ATF1: variants seen among roughly 807,000 people sequenced by gnomAD.
ATF1 encodes cyclic AMP-dependent transcription factor ATF-1.
Under a neutral mutation model 34.7 loss-of-function variants are expected in ATF1, and 16 were observed. The observed-to-expected ratio is 0.46, with a 90% CI of 0.31 to 0.70. The LOEUF (loss-of-function observed/expected upper bound fraction) is 0.70, where lower values mean the gene tolerates loss of function less well. ATF1 is among the 30% of genes least tolerant of loss of function. The pLI, the probability that ATF1 is intolerant of heterozygous loss-of-function variation, is 0.05. For synonymous variants in ATF1, 105 were observed against 113.1 expected (o/e 0.93, Z 0.46); for missense variants, 255 against 321.6 (o/e 0.79, Z 1.58).
intron 1 of ATF1, among the ~76,000 whole-genome samples, chr12:50,773,127 C>T (rs1480909773): frequency 6.6e-6 from 1 of 152,160 alleles, no homozygotes; most frequent in East Asian, 1.9e-4. Context: ...GCATAGTATT[C>T]CATGATATAT....
At position 50,789,217 on chromosome 12, in the gene ATF1, G is replaced by A. The variant is rs575825618; in HGVS notation, c.94-6692G>A. ...TGGGTAGCTGGGACTACAGGCGTGCGCCACCATGCCCCGCTAATTTTTGTA... is the reference window on the plus strand; with the variant it reads ...TGGGTAGCTGGGACTACAGGCGTGCACCACCATGCCCCGCTAATTTTTGTA... On this transcript the variant is annotated intron_variant, in intron 2 of 6. Coordinates refer to ENST00000262053, the MANE Select transcript of ATF1 (RefSeq NM_005171.5). Among the ~76,000 whole-genome samples the A allele has an allele frequency of 4.6e-5, 7 of 151,966 alleles. No individual in the cohort carries two copies. In the South Asian group the frequency reaches 1.5e-3, roughly 32 times the overall value.
At chr12:50,774,937 C>CG (rs1940877002) in intron 1 of ATF1, among the ~76,000 whole-genome samples, 1 of 151,600 alleles carries the variant, frequency 6.6e-6, no homozygotes, top group African/African-American at 2.4e-5. Flanking sequence ...TTAGTAGAGA[C>CG]GGAGTTTCAC....
intron 2 of ATF1, among the ~76,000 whole-genome samples, chr12:50,789,518 C>G (rs1046322433): frequency 5.3e-5 from 8 of 151,834 alleles, no homozygotes; most frequent in African/African-American, 1.2e-4. Context: ...AATCCTAGCA[C>G]TTTGGGAGGC....
chr12:50,811,511 C>T (rs1396194702), intron 4 of ATF1, among the ~76,000 whole-genome samples: 1 of 151,156 alleles, frequency 6.6e-6, no homozygotes, highest in African/African-American at 2.4e-5. Context: ...GGGCCAGGCA[C>T]TGTAGTTCAT....
chr12:50,815,636 C>G (rs566232914), intron 6 of ATF1, among the ~76,000 whole-genome samples: 1 of 151,944 alleles, frequency 6.6e-6, no homozygotes, highest in Non-Finnish European at 1.5e-5. Context: ...ATCCATCCAC[C>G]TGCCTCAGCC....
intron 2 of ATF1, among the ~76,000 whole-genome samples, chr12:50,788,732 A>C (rs1941240148): frequency 6.6e-6 from 1 of 152,232 alleles, no homozygotes; most frequent in Non-Finnish European, 1.5e-5. Context: ...GGACATGTGC[A>C]AAGTGGCAAA....
chr12:50,771,846 C>T (rs1019664905), intron 1 of ATF1, among the ~76,000 whole-genome samples: 4 of 152,212 alleles, frequency 2.6e-5, no homozygotes, highest in African/African-American at 9.6e-5. Flanking sequence ...GTCGTCACTG[C>T]TGTGCTCCCA....
At chr12:50,764,894 G>A (rs960704149) in intron 1 of ATF1, among the ~76,000 whole-genome samples, 2 of 152,228 alleles carry the variant, frequency 1.3e-5, no homozygotes, top group African/African-American at 4.8e-5. Flanking sequence ...GACAGAGTGG[G>A]GACAGTAGGC....
intron 3 of ATF1, among the ~76,000 whole-genome samples, chr12:50,803,327 C>CTA (rs745795253): frequency 1.1e-4 from 16 of 151,186 alleles, no homozygotes; most frequent in Admixed American, 3.3e-4. Flanking sequence ...AAACAAATGA[C>CTA]TAATAAACCT....
At chr12:50,806,152 G>GA (rs112814512) in intron 3 of ATF1, among the ~76,000 whole-genome samples, 3,749 of 106,674 alleles carry the variant, frequency 0.035, 130 homozygotes, top group African/African-American at 0.11. Flanking sequence ...CTGTCTCAAA[G>GA]AAAAAAAAAA....
intron 4 of ATF1, among the ~76,000 whole-genome samples, chr12:50,810,733 C>G (rs1215556834): frequency 6.6e-6 from 1 of 152,130 alleles, no homozygotes; most frequent in Non-Finnish European, 1.5e-5. Context: ...TTCAGTCTTG[C>G]CACAAAATAT....
At chr12:50,798,075 G>A (rs906209873) in intron 3 of ATF1, among the ~76,000 whole-genome samples, 3 of 151,586 alleles carry the variant, frequency 2.0e-5, no homozygotes, top group African/African-American at 7.3e-5. Flanking sequence ...CTTGAACCCA[G>A]GGGGCGGAGG....
chr12:50,776,049 A>G (rs1395544991), intron 1 of ATF1, among the ~76,000 whole-genome samples: 2 of 152,118 alleles, frequency 1.3e-5, no homozygotes, highest in Non-Finnish European at 2.9e-5. Flanking sequence ...ACGGTGGCTC[A>G]CGCCTGTAAT....
chr12:50,780,172 G>A lies in ATF1; in HGVS notation c.27G>A (p.Thr9=), dbSNP rs760384514. 20 of 1,613,416 alleles carry A rather than the reference G, an allele frequency of 1.2e-5. No individual in the cohort carries two copies. Among genetic ancestry groups the A allele is most frequent in the South Asian group, 7.7e-5 (7 of 91,030 alleles). The change falls in exon 2 of 7, where the codon ACG becomes ACA. Residue 9 remains threonine, a synonymous_variant. Transcript: ENST00000262053. MEDSHKST[T]SETAPQPGSA... ...TGGAAGATTCCCACAAGAGTACCACGTCAGAGACAGCACCTCAACCTGGTT... is the reference window on the plus strand; with the variant it reads ...TGGAAGATTCCCACAAGAGTACCACATCAGAGACAGCACCTCAACCTGGTT...
chr12:50,793,915 C>T (rs1335440578), intron 2 of ATF1, among the ~76,000 whole-genome samples: 1 of 151,764 alleles, frequency 6.6e-6, no homozygotes, highest in Non-Finnish European at 1.5e-5. Flanking sequence ...TCTTATGTCC[C>T]TTCTAAAGGC....
At chr12:50,772,318 C>CTTTTTTTTTTTTTTTTTTTTTTTTT (rs71086475) in intron 1 of ATF1, among the ~76,000 whole-genome samples, 1 of 116,032 alleles carries the variant, frequency 8.6e-6, no homozygotes, top group Non-Finnish European at 1.9e-5. Flanking sequence ...TGCTCCATTC[C>CTTTTTTTTTTTTTTTTTTTTTTTTT]TTTTTTTTTT....
At chr12:50,809,325 G>T (rs894347456) in intron 3 of ATF1, 131 bp from the exon 4 acceptor site, 1 of 762,104 alleles carries the variant, frequency 1.3e-6, no homozygotes, top group African/African-American at 1.9e-5. Flanking sequence ...AGTGAGCCAT[G>T]ATGGCGCCAC....
chr12:50,765,447 C>T (rs1940609785), intron 1 of ATF1, among the ~76,000 whole-genome samples: 2 of 152,350 alleles, frequency 1.3e-5, no homozygotes, highest in South Asian at 2.1e-4. Flanking sequence ...TACCCGATCA[C>T]CAGCAGGTGG....
intron 3 of ATF1, among the ~76,000 whole-genome samples, chr12:50,797,572 G>A (rs1941432917): frequency 6.6e-6 from 1 of 152,096 alleles, no homozygotes; most frequent in African/African-American, 2.4e-5. Context: ...TCAACCTCCT[G>A]GGGTCAGCTC....
Sources: allele counts gnomAD v4.1 joint callset (sites outside exome capture counted in the v4.1 genomes callset), GRCh38; gene constraint gnomAD v4.1.1; transcripts MANE v1.5; gene names NCBI Gene and HGNC (gene_info 2026-07-23, HGNC 2026-07-21).